Variants in MYO7B observed in about 807,000 individuals in gnomAD.
MYO7B encodes the protein unconventional myosin-VIIb.
Under a neutral mutation model 259.7 loss-of-function variants are expected in MYO7B, and 212 were observed. The ratio of observed to expected loss-of-function variants is 0.82; its 90% confidence interval spans 0.73 to 0.91. The LOEUF (loss-of-function observed/expected upper bound fraction) is 0.91, where lower values mean the gene tolerates loss of function less well. Among genes scored for constraint, MYO7B ranks in the 40% least tolerant of loss-of-function variants. The probability of loss-of-function intolerance (pLI) is 0.00; values close to 1 mark genes in which losing one functional copy is unlikely to be tolerated. For missense variants in MYO7B, 2,732 were observed against 2,813.5 expected, an observed-to-expected ratio of 0.97 and a Z score of 0.66; for synonymous variants, 1,197 against 1,166.4, an observed-to-expected ratio of 1.03 and a Z score of -0.54.
chr2:127,558,590 C>A (rs182509207), intron 1 of MYO7B, among the ~76,000 whole-genome samples: 10 of 152,128 alleles, frequency 6.6e-5, no homozygotes, highest in African/African-American at 2.4e-4. Flanking sequence ...AATGTGGAAC[C>A]AGCCCAAATG....
At chr2:127,594,862 G>A (rs1313859670) in intron 18 of MYO7B, among the ~76,000 whole-genome samples, 1 of 152,184 alleles carries the variant, frequency 6.6e-6, no homozygotes, top group Non-Finnish European at 1.5e-5. Flanking sequence ...ATGTGCTGCT[G>A]TATTCAGTTT....
At chr2:127,625,628 C>T (rs1573712299) in intron 31 of MYO7B, 93 bp downstream of exon 31, 1 of 1,285,034 alleles carries the variant, frequency 7.8e-7, no homozygotes, top group South Asian at 1.9e-5. Flanking sequence ...ATTCCCTCCC[C>T]ACAACCCCCA....
At position 127,559,765 on chromosome 2, in the gene MYO7B, G is replaced by T. The variant is rs771907122; in HGVS notation, c.18+25G>T. On this transcript the variant is annotated intron_variant, in intron 2 of 47. Coordinates refer to ENST00000409816, the MANE Select transcript of MYO7B (RefSeq NM_001393586.1). This position sits in a 1 kb window ranked among gnomAD's most constrained non-coding sequence, Gnocchi z 4.1. ...GGTAAGAATTGTATGATTTGATCTAGGGGTTATTGGTGTAAGTTACTCAAG... is the reference window on the plus strand; with the variant it reads ...GGTAAGAATTGTATGATTTGATCTATGGGTTATTGGTGTAAGTTACTCAAG... 6.2e-7 allele frequency: 1 copy of T among 1,613,808 alleles called. No individual in the cohort carries two copies. The highest frequency in any genetic ancestry group is 1.1e-5 in the South Asian group (1 of 91,080).
rs1346817915 is a variant in MYO7B, at chr2:127,614,421, G to A, written c.3398+1818G>A. ...AAGCTCATGCCTGCCCAACCATACA[G>A]TACATGTACAGCTCCCATCTCCTGT... On this transcript the variant is annotated intron_variant, in intron 26 of 47. Transcript: ENST00000409816. This position sits in a 1 kb window ranked among gnomAD's most constrained non-coding sequence, Gnocchi z 4.6. 6.6e-6 allele frequency among the ~76,000 whole-genome samples: 1 copy of A among 152,086 alleles called. No homozygotes were observed. Among genetic ancestry groups the A allele is most frequent in the African/African-American group, 2.4e-5 (1 of 41,404 alleles).
chr2:127,607,383 G>A lies in MYO7B; in HGVS notation c.2602G>A (p.Gly868Ser), dbSNP rs1267334595. The A allele has an allele frequency of 6.4e-7, 1 of 1,551,328 alleles. No individual in the cohort carries two copies. Among genetic ancestry groups the A allele is most frequent in the Admixed American group, 2.0e-5 (1 of 51,008 alleles). ...AVVVIQAHAR[G>S]MAARRNFQQR... is the part of the protein sequence containing the mutation. Reference sequence around the variant, plus strand: ...GGTGGTCATTCAGGCCCATGCCAGGGGCATGGCTGCCCGGCGCAACTTCCA... The same window carrying A: ...GGTGGTCATTCAGGCCCATGCCAGGAGCATGGCTGCCCGGCGCAACTTCCA... The change falls in exon 21 of 48, where the codon GGC becomes AGC. Residue 868 changes from glycine to serine, a missense_variant. By Grantham distance (56) the Gly-to-Ser change is moderately conservative. Around this residue, in one of 3 missense-constraint regions of MYO7B, gnomAD observed 1,906 missense variants for 2,026.4 expected, o/e 0.94. Coordinates refer to ENST00000409816, the MANE Select transcript of MYO7B (RefSeq NM_001393586.1). This position sits in a 1 kb window ranked among gnomAD's most constrained non-coding sequence, Gnocchi z 4.4.
intron 19 of MYO7B, 61 bp from the exon 20 acceptor site, chr2:127,605,783 C>G: frequency 6.8e-7 from 1 of 1,474,930 alleles, no homozygotes; most frequent in East Asian, 2.3e-5. Flanking sequence ...AGTTTTTCTC[C>G]CTCAGAAGCT....
chr2:127,628,123 C>T lies in MYO7B; in HGVS notation c.4461-249C>T, dbSNP rs1250045005. ...TGCGGTGTCACTGCACACCAGCCACCTCATTATCTGCCCACAGCCAACCCC... is the reference window on the plus strand; with the variant it reads ...TGCGGTGTCACTGCACACCAGCCACTTCATTATCTGCCCACAGCCAACCCC... On this transcript the variant is annotated intron_variant, in intron 33 of 47. Transcript: ENST00000409816. This position sits in a 1 kb window ranked among gnomAD's most constrained non-coding sequence, Gnocchi z 4.8. 3 of 654,658 alleles carry T rather than the reference C, an allele frequency of 4.6e-6. No individual in the cohort carries two copies. Among genetic ancestry groups the T allele is most frequent in the Non-Finnish European group, 8.4e-6 (3 of 355,166 alleles). 40.6% of individuals were successfully genotyped at this position (654,658 alleles called of 1,614,324 possible). A position where few individuals can be genotyped will look rare whatever the true frequency, so the allele number is the denominator to read the frequency against.
In MYO7B at chr2:127,627,374, G is replaced by A. The variant is rs183161218; in HGVS notation, c.4460+64G>A. The A allele has an allele frequency of 2.4e-5, 36 of 1,531,832 alleles. No individual in the cohort carries two copies. The highest frequency in any genetic ancestry group is 1.2e-4 in the African/African-American group (9 of 73,260). The allele number at this position is 1,531,832 out of a possible 1,614,324, so 94.9% of individuals were successfully genotyped here. On this transcript the variant is annotated intron_variant, in intron 33 of 47. Transcript: ENST00000409816. This position sits in a 1 kb window ranked among gnomAD's most constrained non-coding sequence, Gnocchi z 5.6. Reference sequence around the variant, plus strand: ...GTCCTTGTGATGCATCTGGGGGCTCGGGGAGAGATGGGGAGAGGGGCAGTG... The same window carrying A: ...GTCCTTGTGATGCATCTGGGGGCTCAGGGAGAGATGGGGAGAGGGGCAGTG...
intron 19 of MYO7B, 87 bp downstream of exon 19, chr2:127,596,643 T>C (rs1679780779): frequency 1.8e-6 from 2 of 1,105,252 alleles, no homozygotes; most frequent in South Asian, 1.3e-5. Flanking sequence ...CAGGATCACA[T>C]GTTCCCGCTG....
Position 127,628,178 on chromosome 2 carries a change from G to T in MYO7B, c.4461-194G>T, listed in dbSNP as rs773739094. 1 of 730,334 alleles carries T rather than the reference G, an allele frequency of 1.4e-6. No individual in the cohort carries two copies. Among genetic ancestry groups the T allele is most frequent in the Non-Finnish European group, 2.4e-6 (1 of 414,518 alleles). 45.2% of individuals were successfully genotyped at this position (730,334 alleles called of 1,614,324 possible). A position where few individuals can be genotyped will look rare whatever the true frequency, so the allele number is the denominator to read the frequency against. On this transcript the variant is annotated intron_variant, in intron 33 of 47. Transcript: ENST00000409816. The surrounding 1 kb of genome is among the most constrained non-coding windows in gnomAD (Gnocchi z 4.8). Reference sequence around the variant, plus strand: ...ATGGGCTGCACCACTCTCAGCCTCCGAGAGGTCCTGTGCTCCGCCGTCCTT... The same window carrying T: ...ATGGGCTGCACCACTCTCAGCCTCCTAGAGGTCCTGTGCTCCGCCGTCCTT...
chr2:127,599,498 A>G (rs918710940), intron 19 of MYO7B, among the ~76,000 whole-genome samples: 2 of 152,016 alleles, frequency 1.3e-5, no homozygotes, highest in Non-Finnish European at 2.9e-5. Context: ...TTTTTTTTCC[A>G]ATCCGTATGT....
At chr2:127,574,507 T>C (rs1678784331) in intron 7 of MYO7B, among the ~76,000 whole-genome samples, 1 of 152,250 alleles carries the variant, frequency 6.6e-6, no homozygotes. Flanking sequence ...ACCACTGCAC[T>C]CCAGCCTGGG....
chr2:127,606,066 A>G, intron 20 of MYO7B, 138 bp downstream of exon 20: 1 of 682,278 alleles, frequency 1.5e-6, no homozygotes, highest in Non-Finnish European at 2.5e-6. Flanking sequence ...CGTGGCATGC[A>G]AATTTAAAAT....
At chr2:127,589,858 G>A (rs1188217574) in intron 15 of MYO7B, among the ~76,000 whole-genome samples, 6 of 136,050 alleles carry the variant, frequency 4.4e-5, no homozygotes, top group African/African-American at 8.3e-5. Flanking sequence ...GGTGGTGGGC[G>A]GGTGGATGGG....
Position 127,581,985 on chromosome 2 carries a change from C to T in MYO7B, c.1175C>T (p.Ala392Val). 6.2e-7 allele frequency: 1 copy of T among 1,613,918 alleles called. No individual in the cohort carries two copies. Residue 392 changes from alanine to valine, a missense_variant, in exon 11 of 48, where the codon GCT becomes GTT. Physicochemically the swap from Ala to Val is moderately conservative, Grantham distance 64. Coordinates refer to ENST00000409816, the MANE Select transcript of MYO7B (RefSeq NM_001393586.1). ...AGGTCCCTGAACATTGCCCAGGCTG[C>T]TGACCGGAGGGACGCCTTTGTCAAG... Reference protein sequence around the residue: ...VTRSLNIAQAADRRDAFVKGI... With the variant: ...VTRSLNIAQAVDRRDAFVKGI...
Position 127,584,644 on chromosome 2 carries a change from G to A in MYO7B, c.1555-134G>A. 2 of 1,124,742 alleles carry A rather than the reference G, an allele frequency of 1.8e-6. No individual in the cohort carries two copies. The highest frequency in any genetic ancestry group is 1.3e-6 in the Non-Finnish European group (1 of 795,718). 69.7% of individuals were successfully genotyped at this position (1,124,742 alleles called of 1,614,324 possible). ...ACAAGTCACTGACCCCTGGGCATTA[G>A]TTTCCTGTCTGTACAAAGGCCCTCA... On this transcript the variant is annotated intron_variant, in intron 13 of 47. Coordinates refer to ENST00000409816, the MANE Select transcript of MYO7B (RefSeq NM_001393586.1). This position sits in a 1 kb window ranked among gnomAD's most constrained non-coding sequence, Gnocchi z 5.8.
chr2:127,635,220 C>A lies in MYO7B; in HGVS notation c.5814C>A (p.Tyr1938Ter). 6.2e-7 allele frequency: 1 copy of A among 1,612,634 alleles called. No individual in the cohort carries two copies. Among genetic ancestry groups the A allele is most frequent in the Admixed American group, 1.7e-5 (1 of 59,860 alleles). ...TGAATGCAGACACCATACTCCATTA[C>A]CACCAGGTACCGGGCAGGCTGCCCT... ...KDVNADTILH[Y>*]HQELPKYLRG... is the part of the protein sequence containing the mutation. Residue 1938 changes from tyrosine (Y) to a stop codon, truncating the protein, a stop_gained, in exon 43 of 48, where the codon TAC becomes TAA. Transcript: ENST00000409816. LOFTEE classifies it high-confidence loss of function.
intron 18 of MYO7B, among the ~76,000 whole-genome samples, chr2:127,595,268 A>T (rs2104986349): frequency 6.6e-6 from 1 of 152,176 alleles, no homozygotes; most frequent in South Asian, 2.1e-4. Context: ...AGGTTTTTAT[A>T]CTATTCTCTG....
rs1181735077 is a variant in MYO7B, at chr2:127,597,874, G to C, written c.2339+1318G>C. On this transcript the variant is annotated intron_variant, in intron 19 of 47. Coordinates refer to ENST00000409816, the MANE Select transcript of MYO7B (RefSeq NM_001393586.1). The surrounding 1 kb of genome is among the most constrained non-coding windows in gnomAD (Gnocchi z 4.8). ...ACTGGTCTCAAACTCCTGGCCTCAA[G>C]TGATCCGCCCGCCTCAGCCTCTCAA... Among the ~76,000 whole-genome samples, 4 of 152,044 alleles carry C rather than the reference G, an allele frequency of 2.6e-5. No homozygotes were observed. The highest frequency in any genetic ancestry group is 2.9e-5 in the Non-Finnish European group (2 of 68,008).
Sources: allele counts gnomAD v4.1 joint callset (sites outside exome capture counted in the v4.1 genomes callset), GRCh38; gene constraint gnomAD v4.1.1; regional missense constraint gnomAD v4.1.1; non-coding constraint Gnocchi (gnomAD v3.1); transcripts MANE v1.5; gene names NCBI Gene and HGNC (gene_info 2026-07-23, HGNC 2026-07-21).